The following RUNX3 variants were observed in gnomAD, a reference collection of about 807,000 sequenced individuals.
RUNX3 encodes the protein runt-related transcription factor 3.
RUNX3 carries 10 observed loss-of-function variants against 27.7 expected under a neutral mutation model. That is an observed-to-expected ratio of 0.36 (90% CI 0.22 to 0.61). The LOEUF (loss-of-function observed/expected upper bound fraction) is 0.61. Ranked by LOEUF, RUNX3 falls within the 20% of genes least tolerant of loss-of-function variation. The pLI is 0.72. For synonymous variants in RUNX3, 270 were observed against 269.2 expected (o/e 1.00, Z -0.03); for missense variants, 469 against 629.5 (o/e 0.75, Z 2.73).
At chr1:24,912,146 T>C (rs963823309) in intron 3 of RUNX3, among the ~76,000 whole-genome samples, 2 of 152,224 alleles carry the variant, frequency 1.3e-5, no homozygotes, top group African/African-American at 4.8e-5. Flanking sequence ...GAGCAAGAGC[T>C]GCGTGGGGAG....
chr1:24,958,381 T>C (rs576953264), intron 2 of RUNX3, among the ~76,000 whole-genome samples: 74 of 152,354 alleles, frequency 4.9e-4, no homozygotes, highest in African/African-American at 1.2e-3. Context: ...TCAGTTTTCC[T>C]GCTGCTGAAT....
chr1:24,946,402 CT>C (rs373436374), intron 2 of RUNX3, among the ~76,000 whole-genome samples: 67 of 136,544 alleles, frequency 4.9e-4, no homozygotes, highest in Admixed American at 9.5e-4. Flanking sequence ...TCTCTCCTTC[CT>C]TTTTTTTTTG....
chr1:24,951,204 C>CAAAAAA (rs542137531), intron 2 of RUNX3, among the ~76,000 whole-genome samples: 9 of 96,334 alleles, frequency 9.3e-5, no homozygotes, highest in South Asian at 3.9e-4. Context: ...GACTCCATCT[C>CAAAAAA]AAAAAAAAAA....
chr1:24,906,297 G>C (rs928962003), intron 4 of RUNX3, among the ~76,000 whole-genome samples: 1 of 152,242 alleles, frequency 6.6e-6, no homozygotes, highest in Non-Finnish European at 1.5e-5. Flanking sequence ...TGTGTGACCC[G>C]AGGGTGGCTC....
At position 24,943,285 on chromosome 1, in the gene RUNX3, G is replaced by A. The variant is rs1211044592; in HGVS notation, c.59-13433C>T. ...AGCAGGGTGGAGGGGGGTGTCTGGA[G>A]ACTCAGAATCCCACAGCCAGCAAAT... On this transcript the variant is annotated intron_variant, in intron 2 of 6. Transcript: ENST00000338888. This position sits in a 1 kb window ranked among gnomAD's most constrained non-coding sequence, Gnocchi z 4.6. 6.6e-6 allele frequency among the ~76,000 whole-genome samples: 1 copy of A among 152,224 alleles called. No homozygotes were observed. The highest frequency in any genetic ancestry group is 1.9e-4 in the East Asian group (1 of 5,194).
chr1:24,919,350 G>A lies in RUNX3; in HGVS notation c.440-6C>T, dbSNP rs368628639. 5.6e-5 allele frequency: 90 copies of A among 1,596,852 alleles called. No individual in the cohort carries two copies. The highest frequency in any genetic ancestry group is 7.4e-5 in the Non-Finnish European group (86 of 1,165,680). ...GGTCAGGGTGAAACTCTTCCCTGGG[G>A]AGAGTGGGGAATAGAGGCAGGTGGT... On this transcript the variant is annotated splice_region_variant and splice_polypyrimidine_tract_variant and intron_variant, in intron 2 of 4. Coordinates refer to ENST00000308873, the MANE Select transcript of RUNX3 (RefSeq NM_004350.3).
At chr1:24,915,884 C>T (rs1279566282) in intron 3 of RUNX3, among the ~76,000 whole-genome samples, 4 of 152,172 alleles carry the variant, frequency 2.6e-5, no homozygotes, top group African/African-American at 9.7e-5. Context: ...GGATCCTGGA[C>T]CTGGCTCAGC....
chr1:24,920,324 G>C (rs1477436951), intron 2 of RUNX3, among the ~76,000 whole-genome samples: 1 of 151,980 alleles, frequency 6.6e-6, no homozygotes, highest in East Asian at 1.9e-4. Flanking sequence ...GAAGCGGTGA[G>C]TGATTTCACG....
exon 1 of RUNX3, chr1:24,964,855 G>A (rs1217815608): frequency 1.6e-6 from 1 of 640,886 alleles, no homozygotes; most frequent in African/African-American, 1.9e-5. Context: ...TGGATTCCCG[G>A]TCCCACAGGA....
intron 4 of RUNX3, among the ~76,000 whole-genome samples, chr1:24,903,436 T>C (rs1391409781): frequency 6.6e-6 from 1 of 152,192 alleles, no homozygotes; most frequent in African/African-American, 2.4e-5. Flanking sequence ...TCAGACAAAC[T>C]TGGGGACCCA....
chr1:24,945,965 C>T (rs566280884), intron 2 of RUNX3, among the ~76,000 whole-genome samples: 174 of 152,210 alleles, frequency 1.1e-3, no homozygotes, highest in Non-Finnish European at 1.9e-3. Context: ...TCCCTGAGAA[C>T]GGAGATGGGC....
chr1:24,913,218 T>C (rs1571308941), intron 3 of RUNX3, among the ~76,000 whole-genome samples: 1 of 152,240 alleles, frequency 6.6e-6, no homozygotes, highest in African/African-American at 2.4e-5. Context: ...CTGTCCTGGC[T>C]GCTGTCAGCC....
chr1:24,911,861 C>T (rs59018538), intron 3 of RUNX3, among the ~76,000 whole-genome samples: 5,138 of 152,280 alleles, frequency 0.034, 256 homozygotes, highest in African/African-American at 0.11. Context: ...CCGGAACCCA[C>T]GCTCCCACCA....
Position 24,919,752 on chromosome 1 carries a change from A to C in RUNX3, c.440-408T>G, listed in dbSNP as rs7513170. ...AAAATATAAATAAAGAAGAAAAGAC[A>C]CCCCCCCCCCACGGTTCCACTAGCT... On this transcript the variant is annotated intron_variant, in intron 2 of 4. Transcript: ENST00000308873. 4.5e-3 allele frequency among the ~76,000 whole-genome samples: 598 copies of C among 134,200 alleles called. 7 individuals are homozygous for C. The highest frequency in any genetic ancestry group is 0.012 in the Middle Eastern group (3 of 250). The allele number at this position is 134,200 out of a possible 152,430, so 88.0% of individuals were successfully genotyped here. A position where few individuals can be genotyped will look rare whatever the true frequency, so the allele number is the denominator to read the frequency against.
upstream of RUNX3, among the ~76,000 whole-genome samples, chr1:24,930,934 C>A (rs1196536806): frequency 1.3e-5 from 2 of 152,220 alleles, no homozygotes; most frequent in African/African-American, 4.8e-5. The surrounding 1 kb of genome is among the most constrained non-coding windows in gnomAD (Gnocchi z 4.1). Context: ...CCTAGGGACC[C>A]TAAGTAGCCT....
chr1:24,927,597 C>T lies in RUNX3; in HGVS notation c.416G>A (p.Arg139His). 6.2e-7 allele frequency: 1 copy of T among 1,614,154 alleles called. No individual in the cohort carries two copies. The highest frequency in any genetic ancestry group is 8.5e-7 in the Non-Finnish European group (1 of 1,180,038). ...KNQVARFNDL[R>H]FVGRSGRGKS... Reference sequence around the variant, plus strand: ...ACCTCGCCCACTGCGGCCCACGAAGCGAAGGTCGTTGAACCTGGCCACCTG... The same window carrying T: ...ACCTCGCCCACTGCGGCCCACGAAGTGAAGGTCGTTGAACCTGGCCACCTG... The change falls in exon 2 of 5, where the codon CGC (arginine) becomes CAC (histidine). Residue 139 changes from arginine to histidine, a missense_variant. Coordinates refer to ENST00000308873, the MANE Select transcript of RUNX3 (RefSeq NM_004350.3). The surrounding 1 kb of genome is among the most constrained non-coding windows in gnomAD (Gnocchi z 5.0).
At position 24,902,443 on chromosome 1, in the gene RUNX3, C is replaced by T. The variant is rs748219022; in HGVS notation, c.927G>A (p.Pro309=). 1.8e-5 allele frequency: 29 copies of T among 1,608,788 alleles called. No individual in the cohort carries two copies. The highest frequency in any genetic ancestry group is 2.2e-5 in the Non-Finnish European group (26 of 1,176,606). The change falls in exon 5 of 5, where the codon CCG becomes CCA. Residue 309 remains proline, a synonymous_variant. Coordinates refer to ENST00000308873, the MANE Select transcript of RUNX3 (RefSeq NM_004350.3). This position sits in a 1 kb window ranked among gnomAD's most constrained non-coding sequence, Gnocchi z 9.2. Reference sequence around the variant, plus strand: ...TCTGCGGGGCCCCCGGGTAGGGTGGCGGGAGGTAGGTATGGTGGAAGCGGC... The same window carrying T: ...TCTGCGGGGCCCCCGGGTAGGGTGGTGGGAGGTAGGTATGGTGGAAGCGGC... ...ATSRFHHTYL[P]PPYPGAPQNQ...
chr1:24,964,352 ACAGAGACCACCAACC>A (rs1642198886), intron 2 of RUNX3, among the ~76,000 whole-genome samples: 1 of 152,144 alleles, frequency 6.6e-6, no homozygotes, highest in Non-Finnish European at 1.5e-5. Context: ...CCAAGAGACC[ACAGAGACCACCAACC>A]CCTCTTCCCA....
chr1:24,908,016 G>A (rs150343231), intron 3 of RUNX3, among the ~76,000 whole-genome samples: 3 of 151,694 alleles, frequency 2.0e-5, no homozygotes, highest in East Asian at 3.9e-4. Context: ...TACAACACGC[G>A]GTGATCCGAA....
Sources: allele counts gnomAD v4.1 joint callset (sites outside exome capture counted in the v4.1 genomes callset), GRCh38; gene constraint gnomAD v4.1.1; non-coding constraint Gnocchi (gnomAD v3.1); transcripts MANE v1.5; gene names NCBI Gene and HGNC (gene_info 2026-07-23, HGNC 2026-07-21).